TRIM37: variants seen among roughly 807,000 people sequenced by gnomAD.
The protein encoded by TRIM37 is E3 ubiquitin-protein ligase TRIM37.
TRIM37 carries 80 observed loss-of-function variants against 129.8 expected under a neutral mutation model. That is an observed-to-expected ratio of 0.62 (90% CI 0.51 to 0.74). The LOEUF (loss-of-function observed/expected upper bound fraction) is 0.74, where lower values mean the gene tolerates loss of function less well. Among genes scored for constraint, TRIM37 ranks in the 30% least tolerant of loss-of-function variants. TRIM37 has a pLI of 0.00. For synonymous variants in TRIM37, 389 were observed against 387.1 expected (o/e 1.00, Z -0.06); for missense variants, 1,054 against 1,176.5 (o/e 0.90, Z 1.52).
chr17:59,014,108 A>G (rs1330673724), intron 21 of TRIM37, among the ~76,000 whole-genome samples: 1 of 152,248 alleles, frequency 6.6e-6, no homozygotes, highest in Non-Finnish European at 1.5e-5. Context: ...TGTATAAAAC[A>G]TCAGGTTAGG....
intron 23 of TRIM37, among the ~76,000 whole-genome samples, chr17:59,000,203 CAT>C (rs1171989950): frequency 1.3e-5 from 2 of 152,108 alleles, no homozygotes; most frequent in Admixed American, 6.5e-5. Flanking sequence ...GGTATATCCA[CAT>C]GATAGAATAT....
At chr17:59,016,256 T>C (rs1236011497) in intron 20 of TRIM37, among the ~76,000 whole-genome samples, 1 of 151,170 alleles carries the variant, frequency 6.6e-6, no homozygotes, top group Non-Finnish European at 1.5e-5. Context: ...TAGCCAGGCG[T>C]GGTGGCGTGC....
intron 7 of TRIM37, among the ~76,000 whole-genome samples, chr17:59,076,415 C>G (rs993382877): frequency 2.6e-5 from 4 of 152,310 alleles, no homozygotes; most frequent in Admixed American, 2.0e-4. Context: ...GTGGTGCATG[C>G]CTGCAGCCCA....
intron 9 of TRIM37, among the ~76,000 whole-genome samples, chr17:59,065,978 A>T (rs1250201056): frequency 6.6e-6 from 1 of 152,190 alleles, no homozygotes; most frequent in Non-Finnish European, 1.5e-5. Context: ...AATTCCTATG[A>T]TATCCCTAGT....
chr17:58,985,473 A>G (rs779592968), intron 24 of TRIM37, among the ~76,000 whole-genome samples: 27 of 152,208 alleles, frequency 1.8e-4, no homozygotes, highest in Non-Finnish European at 3.8e-4. Flanking sequence ...GGTGGTCATC[A>G]AATCTCCCAA....
intron 17 of TRIM37, among the ~76,000 whole-genome samples, chr17:59,038,888 T>C (rs118164064): frequency 0.012 from 1,895 of 152,286 alleles, 13 homozygotes; most frequent in Non-Finnish European, 0.021. Flanking sequence ...ATTGAAACAA[T>C]TGCAGCTTAC....
intron 9 of TRIM37, among the ~76,000 whole-genome samples, chr17:59,065,219 T>C (rs2041833155): frequency 6.6e-6 from 1 of 152,162 alleles, no homozygotes; most frequent in Non-Finnish European, 1.5e-5. Flanking sequence ...ATCTGAATTA[T>C]GAAACAGATA....
chr17:59,091,691 C>T (rs1052572412), intron 2 of TRIM37, among the ~76,000 whole-genome samples: 5 of 141,732 alleles, frequency 3.5e-5, no homozygotes, highest in African/African-American at 1.3e-4. Flanking sequence ...GGGTTTAACT[C>T]TCTAGTGCTT....
chr17:59,080,814 A>G (rs567505438), intron 6 of TRIM37, among the ~76,000 whole-genome samples: 1 of 152,202 alleles, frequency 6.6e-6, no homozygotes, highest in African/African-American at 2.4e-5. Context: ...AAATAAGTTA[A>G]TTATTGACTC....
intron 13 of TRIM37, among the ~76,000 whole-genome samples, chr17:59,054,812 G>T (rs922667994): frequency 3.3e-5 from 5 of 151,724 alleles, no homozygotes; most frequent in Non-Finnish European, 5.9e-5. Context: ...TTACAGGCGC[G>T]TGCCACCACA....
rs935901405 is a variant in TRIM37 at position 59,026,115 on chromosome 17, G to A, written c.2257+2300C>T. ...AAAGAGAACCCAGAAACAAACCCTC[G>A]TCTATATGGTCAAATGATTTCAACA... is the stretch of plus-strand genomic sequence containing the variant. On this transcript the variant is annotated intron_variant, in intron 19 of 23. Transcript: ENST00000262294. 2.0e-5 allele frequency among the ~76,000 whole-genome samples: 3 copies of A among 151,978 alleles called. No individual in the cohort carries two copies. In the East Asian group the frequency reaches 5.8e-4, roughly 29 times the overall value.
At position 59,036,483 on chromosome 17, in the gene TRIM37, T is replaced by TGC. The variant is rs1555656707; in HGVS notation, c.1754-4395_1754-4394dup. Among the ~76,000 whole-genome samples the TGC allele has an allele frequency of 3.8e-3, 571 of 148,982 alleles. 4 individuals are homozygous for TGC. The highest frequency in any genetic ancestry group is 5.0e-3 in the Non-Finnish European group (332 of 67,070). On this transcript the variant is annotated intron_variant, in intron 17 of 23. Transcript: ENST00000262294. ...GTGTGTGTGTGTGTGTGTGTGTGTG[T>TGC]GCACGCGTGTGTTTTAAGAGACAGG...
intron 19 of TRIM37, among the ~76,000 whole-genome samples, chr17:59,020,021 AG>A (rs2036397114): frequency 1.3e-5 from 2 of 152,006 alleles, no homozygotes; most frequent in Non-Finnish European, 2.9e-5. Flanking sequence ...ACCTGAGGTC[AG>A]GAGTTCGAGA....
intron 16 of TRIM37, among the ~76,000 whole-genome samples, chr17:59,043,514 G>C (rs1050847840): frequency 4.6e-5 from 7 of 152,102 alleles, no homozygotes; most frequent in African/African-American, 1.7e-4. Context: ...CCCACTTCCC[G>C]AACTTCCAAG....
At chr17:59,004,336 T>C (rs2034184265) in intron 22 of TRIM37, among the ~76,000 whole-genome samples, 1 of 1,336 alleles carries the variant, frequency 7.5e-4, no homozygotes, top group Admixed American at 0.013. Context: ...AAAGGAAAGG[T>C]ATGACATTAT....
intron 8 of TRIM37, among the ~76,000 whole-genome samples, chr17:59,071,283 CTTTTT>C (rs962225941): frequency 8.2e-6 from 1 of 121,330 alleles, no homozygotes. Flanking sequence ...AAGTTGAAAG[CTTTTT>C]TTTTTTTTTT....
intron 13 of TRIM37, among the ~76,000 whole-genome samples, chr17:59,052,957 AAAATCAAATCAAATCAAATC>A (rs60696585): frequency 2.1e-5 from 3 of 142,436 alleles, no homozygotes; most frequent in East Asian, 4.0e-4. Context: ...TCTGTCTCAA[AAAATCAAATCAAATCAAATC>A]AAATCAAATC....
the TRIM37 span, among the ~76,000 whole-genome samples, chr17:58,970,621 A>G: frequency 1.4e-4 from 22 of 152,336 alleles, no homozygotes; most frequent in Non-Finnish European, 2.6e-4. Context: ...TAATGAAACA[A>G]TAACTCAGAC....
chr17:59,064,251 A>C, intron 10 of TRIM37, 104 bp downstream of exon 10: 1 of 857,786 alleles, frequency 1.2e-6, no homozygotes, highest in Middle Eastern at 2.6e-4. Context: ...AGACTTCTAA[A>C]GTGAGTGACA....
Sources: allele counts gnomAD v4.1 joint callset (sites outside exome capture counted in the v4.1 genomes callset), GRCh38; gene constraint gnomAD v4.1.1; transcripts MANE v1.5; gene names NCBI Gene and HGNC (gene_info 2026-07-23, HGNC 2026-07-21).